Variants in PDE4D observed in about 807,000 individuals in gnomAD.
PDE4D encodes the protein phosphodiesterase 4D.
PDE4D carries 24 observed loss-of-function variants against 87.4 expected under a neutral mutation model. The ratio of observed to expected loss-of-function variants is 0.27; its 90% CI spans 0.20 to 0.39. The LOEUF (loss-of-function observed/expected upper bound fraction) is 0.39, where lower values mean the gene tolerates loss of function less well. PDE4D is among the 10% of genes least tolerant of loss of function. The pLI is 1.00. For synonymous variants in PDE4D, 384 were observed against 383.2 expected, an observed-to-expected ratio of 1.00 and a Z score of -0.02; for missense variants, 714 against 1,041.0, an observed-to-expected ratio of 0.69 and a Z score of 4.32.
intron 1 of PDE4D, among the ~76,000 whole-genome samples, chr5:59,582,406 A>G (rs1824334030): frequency 6.6e-6 from 1 of 152,168 alleles, no homozygotes; most frequent in African/African-American, 2.4e-5. Context: ...AGAAAACCTT[A>G]AAAGATGAAA....
At chr5:60,157,537 C>A (rs1782083797) in intron 2 of PDE4D, among the ~76,000 whole-genome samples, 2 of 152,158 alleles carry the variant, frequency 1.3e-5, no homozygotes, top group Admixed American at 1.3e-4. Flanking sequence ...TTAAGGAAGA[C>A]CTCTCCCTAA....
At chr5:59,591,060 G>A (rs756829958) in intron 1 of PDE4D, among the ~76,000 whole-genome samples, 4 of 152,088 alleles carry the variant, frequency 2.6e-5, no homozygotes, top group Non-Finnish European at 5.9e-5. Flanking sequence ...TTTGTGCTGG[G>A]TCTAGGAAGC....
intron 1 of PDE4D, among the ~76,000 whole-genome samples, chr5:59,679,400 C>A (rs1748644628): frequency 1.3e-5 from 2 of 152,120 alleles, no homozygotes; most frequent in Non-Finnish European, 2.9e-5. Context: ...GCAAGAAATT[C>A]CACTGCTAGT....
intron 1 of PDE4D, among the ~76,000 whole-genome samples, chr5:59,503,184 G>C (rs1411319071): frequency 1.3e-5 from 2 of 152,062 alleles, no homozygotes; most frequent in Non-Finnish European, 2.9e-5. Flanking sequence ...GGAGCTCTTA[G>C]GTAATTTTAC....
intron 5 of PDE4D, among the ~76,000 whole-genome samples, chr5:59,133,698 C>T (rs573152093): frequency 1.3e-5 from 2 of 152,260 alleles, no homozygotes; most frequent in South Asian, 2.1e-4. Context: ...AGTAAAGCAG[C>T]GGTTATCACT....
intron 3 of PDE4D, among the ~76,000 whole-genome samples, chr5:59,186,877 T>C (rs1385820150): frequency 6.6e-6 from 1 of 152,178 alleles, no homozygotes; most frequent in Non-Finnish European, 1.5e-5. Context: ...TGTCTTTCAT[T>C]AGGCATGAAA....
intron 1 of PDE4D, among the ~76,000 whole-genome samples, chr5:60,216,715 T>A (rs1023825746): frequency 2.6e-5 from 4 of 152,112 alleles, no homozygotes; most frequent in Middle Eastern, 3.2e-3. Flanking sequence ...TATTACATAT[T>A]AGTAACAGTT....
chr5:59,084,388 G>T (rs910461553), intron 5 of PDE4D, among the ~76,000 whole-genome samples: 1 of 151,668 alleles, frequency 6.6e-6, no homozygotes, highest in Non-Finnish European at 1.5e-5. Context: ...TGTTGGAAAA[G>T]AATTGCTAAG....
intron 2 of PDE4D, among the ~76,000 whole-genome samples, chr5:59,214,683 T>A (rs976288365): frequency 2.6e-5 from 4 of 152,102 alleles, no homozygotes; most frequent in Non-Finnish European, 4.4e-5. Context: ...GGAAGTGAGA[T>A]AAAAATAATG....
intron 1 of PDE4D, among the ~76,000 whole-genome samples, chr5:59,380,408 AG>A: frequency 1.4e-5 from 2 of 143,062 alleles, no homozygotes; most frequent in African/African-American, 2.5e-5. Flanking sequence ...AAAAAAAAAG[AG>A]AGAGAAAGAA....
Position 60,010,626 on chromosome 5 carries a change from T to A in PDE4D, c.43-21909A>T, listed in dbSNP as rs148522417. Among the ~76,000 whole-genome samples, 1,296 of 152,264 alleles carry A rather than the reference T, an allele frequency of 8.5e-3. 11 individuals are homozygous for A. The highest frequency in any genetic ancestry group is 0.017 in the Middle Eastern group (5 of 294). ...CTTTGTGTTCATAAAGCCTATTGCA[T>A]GGAACACTCGATTCTTTGTGCATTT... On this transcript the variant is annotated intron_variant, in intron 2 of 16. Coordinates refer to the PDE4D transcript ENST00000502484.
chr5:60,137,564 T>A (rs940941485), intron 2 of PDE4D, among the ~76,000 whole-genome samples: 3 of 152,172 alleles, frequency 2.0e-5, no homozygotes, highest in Non-Finnish European at 2.9e-5. Flanking sequence ...TTTTTTCATA[T>A]GTTTGTTGGC....
At position 59,145,956 on chromosome 5, in the gene PDE4D, G is replaced by C. The variant is rs536358458; in HGVS notation, c.808+34639C>G. ...AGCCTGGCCAACATGGTGAAACCCTGTCCCTACTAAAAATACAAAAATTAG... is the reference window on the plus strand; with the variant it reads ...AGCCTGGCCAACATGGTGAAACCCTCTCCCTACTAAAAATACAAAAATTAG... On this transcript the variant is annotated intron_variant, in intron 5 of 14. Coordinates refer to ENST00000340635, the MANE Select transcript of PDE4D (RefSeq NM_001104631.2). Among the ~76,000 whole-genome samples, 370 of 152,172 alleles carry C rather than the reference G, an allele frequency of 2.4e-3. 2 individuals are homozygous for C. The highest frequency in any genetic ancestry group is 6.8e-3 in the Middle Eastern group (2 of 294).
At chr5:59,616,200 AATCTC>A (rs905519320) in intron 1 of PDE4D, among the ~76,000 whole-genome samples, 3 of 151,970 alleles carry the variant, frequency 2.0e-5, no homozygotes, top group African/African-American at 7.3e-5. Context: ...ACCAAGAAAT[AATCTC>A]ATCTGATTTT....
intron 1 of PDE4D, among the ~76,000 whole-genome samples, chr5:60,285,959 C>A (rs1353201569): frequency 2.0e-5 from 3 of 152,042 alleles, no homozygotes; most frequent in East Asian, 3.9e-4. Context: ...TCAGAGTGCA[C>A]AAGGAAAGGG....
chr5:60,260,027 CT>C (rs574347933), intron 1 of PDE4D, among the ~76,000 whole-genome samples: 93 of 149,034 alleles, frequency 6.2e-4, no homozygotes, highest in East Asian at 2.7e-3. Context: ...ATTTACAATT[CT>C]TTTTTTTTTA....
rs1174788945 is a variant in PDE4D at position 59,395,865 on chromosome 5, A to G, written c.456-179897T>C. Among the ~76,000 whole-genome samples, 18 of 118,824 alleles carry G rather than the reference A, an allele frequency of 1.5e-4. 5 individuals are homozygous for G. The highest frequency in any genetic ancestry group is 6.1e-4 in the African/African-American group (18 of 29,602). The allele number at this position is 118,824 out of a possible 152,430, so 78.0% of individuals were successfully genotyped here. ...TTTAGAAGAATGTATAACTAGAATA[A>G]CCAATACAGAGAAGTGCTTAAAGGA... On this transcript the variant is annotated intron_variant, in intron 1 of 14. Coordinates refer to ENST00000340635, the MANE Select transcript of PDE4D (RefSeq NM_001104631.2).
At chr5:60,231,169 G>C (rs6864705) in intron 1 of PDE4D, among the ~76,000 whole-genome samples, 81,596 of 151,770 alleles carry the variant, frequency 0.54, 22,605 homozygotes, top group African/African-American at 0.65. Flanking sequence ...GATAGTGACA[G>C]CATGATCTTC....
At chr5:59,730,231 GA>G (rs1757186514) in intron 1 of PDE4D, among the ~76,000 whole-genome samples, 1 of 152,058 alleles carries the variant, frequency 6.6e-6, no homozygotes, top group South Asian at 2.1e-4. Context: ...TCACTGAGAA[GA>G]GAAACCAAGG....
Sources: gnomAD v4.1 joint callset for allele counts (sites outside exome capture counted in the v4.1 genomes callset) on GRCh38, gnomAD v4.1.1 for gene constraint, MANE v1.5 for transcripts, NCBI Gene and HGNC (gene_info 2026-07-23, HGNC 2026-07-21) for gene names.